The following VBP1 variants were observed in gnomAD, a reference collection of about 807,000 sequenced individuals.
VBP1 encodes the protein prefoldin subunit 3.
VBP1 carries 4 observed loss-of-function variants against 15.5 expected under a neutral mutation model. The observed-to-expected ratio is 0.26, with a 90% CI of 0.13 to 0.59. VBP1 has a LOEUF of 0.59. Among genes scored for constraint, VBP1 ranks in the 20% least tolerant of loss-of-function variants. The probability of loss-of-function intolerance (pLI) is 0.90; values close to 1 mark genes in which losing one functional copy is unlikely to be tolerated. For missense variants in VBP1, 108 were observed against 139.6 expected, an observed-to-expected ratio of 0.77 and a Z score of 1.14; for synonymous variants, 61 against 52.1, an observed-to-expected ratio of 1.17 and a Z score of -0.74.
At chrX:155,228,254 A>G in intron 3 of VBP1, 130 bp from the exon 4 acceptor site, 1 of 506,723 alleles carries the variant, frequency 2.0e-6, no homozygotes, top group Admixed American at 3.5e-5. Context: ...CATTTCTTTT[A>G]CCACTACACT....
intron 4 of VBP1, among the ~76,000 whole-genome samples, chrX:155,234,975 G>A (rs1387659585): frequency 8.9e-6 from 1 of 111,741 alleles, no homozygotes; most frequent in Non-Finnish European, 1.9e-5. Context: ...AAGTGTGAGG[G>A]CAAACTGATT....
rs2074634882 is a variant in VBP1 at position 155,208,840 on chromosome X, T to C, written c.-30-34T>C. 7.0e-6 allele frequency: 7 copies of C among 1,003,443 alleles called. No individual in the cohort carries two copies. The South Asian group carries it at 1.5e-4, about 21-fold the overall frequency. 82.7% of individuals were successfully genotyped at this position (1,003,443 alleles called of 1,213,427 possible). A position where few individuals can be genotyped will look rare whatever the true frequency, so the allele number is the denominator to read the frequency against. ...AGGAGAGCAATTAAATACTAATTAA[T>C]TTTTAACTGATTGTTTTCTTTTACA... On this transcript the variant is annotated intron_variant, in intron 1 of 6. Transcript: ENST00000535916.
At chrX:155,231,413 G>C (rs1453209649) in intron 4 of VBP1, among the ~76,000 whole-genome samples, 3 of 112,170 alleles carry the variant, frequency 2.7e-5, no homozygotes, top group Non-Finnish European at 5.6e-5. Context: ...GCATTTCTTG[G>C]TTTCACTTGT....
chrX:155,237,750 A>C (rs1007513970), intron 5 of VBP1, among the ~76,000 whole-genome samples: 1 of 112,485 alleles, frequency 8.9e-6, no homozygotes, highest in African/African-American at 3.2e-5. Flanking sequence ...TCTCAGTCCA[A>C]GCATCAGAGC....
intron 1 of VBP1, among the ~76,000 whole-genome samples, chrX:155,198,202 C>G (rs1569560840): frequency 8.9e-6 from 1 of 112,689 alleles, no homozygotes. Flanking sequence ...CACAAAAAGA[C>G]AGCAGTAACC....
chrX:155,237,569 C>T (rs1352534455), intron 5 of VBP1, among the ~76,000 whole-genome samples: 1 of 111,711 alleles, frequency 9.0e-6, no homozygotes, highest in Non-Finnish European at 1.9e-5. Flanking sequence ...CCACTGACCT[C>T]TTCTTGCCTT....
chrX:155,230,264 A>G (rs926073850), intron 4 of VBP1, among the ~76,000 whole-genome samples: 4 of 111,568 alleles, frequency 3.6e-5, no homozygotes, highest in African/African-American at 1.3e-4. Flanking sequence ...GTGTGCATGC[A>G]TGTGTCCAAA....
At chrX:155,230,000 T>G (rs1557310653) in intron 4 of VBP1, among the ~76,000 whole-genome samples, 1 of 111,859 alleles carries the variant, frequency 8.9e-6, no homozygotes, top group East Asian at 2.8e-4. Flanking sequence ...ACTGTGGGAA[T>G]ACTGTCTATT....
At chrX:155,208,708 C>T (rs781842816) in intron 1 of VBP1, among the ~76,000 whole-genome samples, 105 of 111,985 alleles carry the variant, frequency 9.4e-4, no homozygotes, top group Non-Finnish European at 1.5e-3. Context: ...ACATTTTCGT[C>T]TTTTTCTTTG....
At chrX:155,206,757 G>A (rs990658865) in intron 1 of VBP1, among the ~76,000 whole-genome samples, 3 of 111,044 alleles carry the variant, frequency 2.7e-5, no homozygotes, top group African/African-American at 6.6e-5. Context: ...GCCAGTGAGA[G>A]AGGAGGAAAC....
chrX:155,232,285 C>T (rs2074751223), intron 4 of VBP1, among the ~76,000 whole-genome samples: 1 of 108,312 alleles, frequency 9.2e-6, no homozygotes, highest in African/African-American at 3.4e-5. Context: ...TTCGGATGCA[C>T]AGTCTTCTCT....
chrX:155,214,809 G>A (rs182756289), upstream of VBP1, among the ~76,000 whole-genome samples: 2 of 90,105 alleles, frequency 2.2e-5, no homozygotes, highest in African/African-American at 9.5e-5. Context: ...ACCACCTATA[G>A]AGTTGATAAG....
At chrX:155,226,428 CTT>C (rs1295653073) in intron 2 of VBP1, among the ~76,000 whole-genome samples, 1 of 111,559 alleles carries the variant, frequency 9.0e-6, no homozygotes, top group Non-Finnish European at 1.9e-5. Context: ...TTTTAAATTT[CTT>C]GTGTTTAAAT....
chrX:155,203,448 A>G (rs1229085394), intron 1 of VBP1, among the ~76,000 whole-genome samples: 2 of 110,372 alleles, frequency 1.8e-5, no homozygotes, highest in African/African-American at 3.3e-5. Flanking sequence ...TGATGAGTTC[A>G]TGTCCTTTGT....
At chrX:155,232,002 T>C (rs1186014318) in intron 4 of VBP1, among the ~76,000 whole-genome samples, 1 of 112,154 alleles carries the variant, frequency 8.9e-6, no homozygotes, top group Non-Finnish European at 1.9e-5. Context: ...ATGGATACTA[T>C]CAAATTGCTC....
At chrX:155,211,576 T>C (rs2074645182), upstream of VBP1, among the ~76,000 whole-genome samples, 1 of 111,658 alleles carries the variant, frequency 9.0e-6, no homozygotes, top group Non-Finnish European at 1.9e-5. Context: ...TTGAAAAGAG[T>C]TGGTCGTATT....
chrX:155,202,320 A>G (rs1251202233), intron 1 of VBP1, among the ~76,000 whole-genome samples: 2 of 111,799 alleles, frequency 1.8e-5, no homozygotes, highest in African/African-American at 6.5e-5. Flanking sequence ...AGCCAAAAGA[A>G]CAAAGCTGGA....
intron 1 of VBP1, among the ~76,000 whole-genome samples, chrX:155,199,222 G>C (rs1557307068): frequency 1.8e-5 from 2 of 110,714 alleles, no homozygotes; most frequent in African/African-American, 6.6e-5. Flanking sequence ...AATCTAGCAA[G>C]GCAGGCCAAC....
At chrX:155,228,581 G>T (rs1229061757) in intron 4 of VBP1, 99 bp downstream of exon 4, 1 of 675,242 alleles carries the variant, frequency 1.5e-6, no homozygotes, top group Non-Finnish European at 2.2e-6. Flanking sequence ...TATTTTAGTA[G>T]TATTGCTCGA....
Sources: gnomAD v4.1 joint callset for allele counts (sites outside exome capture counted in the v4.1 genomes callset) on GRCh38, gnomAD v4.1.1 for gene constraint, MANE v1.5 for transcripts, NCBI Gene and HGNC (gene_info 2026-07-23, HGNC 2026-07-21) for gene names.